Variants in PKMYT1 observed in about 807,000 individuals in gnomAD.
PKMYT1 encodes protein kinase, membrane associated tyrosine/threonine 1, also known as membrane-associated tyrosine- and threonine-specific cdc2-inhibitory kinase.
Under a neutral mutation model 49.7 loss-of-function variants are expected in PKMYT1, and 35 were observed. That is an observed-to-expected ratio of 0.70 (90% CI 0.54 to 0.93). The LOEUF (loss-of-function observed/expected upper bound fraction) is 0.93, where lower values mean the gene tolerates loss of function less well. PKMYT1 is among the 40% of genes least tolerant of loss of function. The pLI, the probability that PKMYT1 is intolerant of heterozygous loss-of-function variation, is 0.00. For synonymous variants in PKMYT1, 331 were observed against 287.6 expected (o/e 1.15, Z -1.53); for missense variants, 677 against 673.1 (o/e 1.01, Z -0.06).
rs1162974551 is a variant in PKMYT1 at position 2,975,459 on chromosome 16, C to T, written c.732G>A (p.Arg244=). 3.1e-6 allele frequency: 5 copies of T among 1,613,200 alleles called. No homozygotes were observed. Among genetic ancestry groups the T allele is most frequent in the Non-Finnish European group, 4.2e-6 (5 of 1,179,988 alleles). ...VKPANIFLGP[R]GRCKLGDFGL... ...CGAAGTCACCCAGCTTGCAGCGGCC[C>T]CGGGGCCCCAGGAAGATGTTGGCAG... Residue 244 remains arginine (R), a synonymous_variant, in exon 4 of 9, where the codon CGG becomes CGA. Coordinates refer to ENST00000262300, the MANE Select transcript of PKMYT1 (RefSeq NM_004203.5).
Position 2,975,746 on chromosome 16 carries a change from T to C in PKMYT1, c.445A>G (p.Lys149Glu), listed in dbSNP as rs1440227977. The C allele has an allele frequency of 6.2e-7, 1 of 1,601,722 alleles. No individual in the cohort carries two copies. The highest frequency in any genetic ancestry group is 1.3e-5 in the African/African-American group (1 of 74,936). ...TCGGCCAACTTGCGGGCCCGGTCCT[T>C]GGGGCCCCGGAATGGTGACATGGAA... ...KRSMSPFRGP[K>E]DRARKLAEVG... is the part of the protein sequence containing the mutation. Residue 149 changes from lysine (K) to glutamate (E), a missense_variant, in exon 4 of 9, where the codon AAG (lysine) becomes GAG (glutamate). Lys to Glu is a moderately conservative substitution (Grantham distance 56, BLOSUM62 1). Transcript: ENST00000262300.
chr16:2,973,821 A>G, intron 7 of PKMYT1, 179 bp downstream of exon 7: 1 of 734,576 alleles, frequency 1.4e-6, no homozygotes, highest in South Asian at 1.9e-5. Flanking sequence ...CGGCCAGTCC[A>G]CATGCCCAGC....
rs558737411 is a variant in PKMYT1 at position 2,975,829 on chromosome 16, A to T, written c.379-17T>A. 1.9e-6 allele frequency: 3 copies of T among 1,573,000 alleles called. No homozygotes were observed. In the South Asian group the frequency reaches 3.5e-5, roughly 18 times the overall value. On this transcript the variant is annotated splice_polypyrimidine_tract_variant and intron_variant, in intron 3 of 8. Transcript: ENST00000262300. The stretch of plus-strand genomic sequence containing the variant: ...GGAGCGCACCTGGAAGGGAGGTGGT[A>T]CCCACGCACACAGTGAGGGTGAGCC...
chr16:2,975,428 G>T lies in PKMYT1; in HGVS notation c.763C>A (p.Leu255Met). The T allele has an allele frequency of 1.2e-6, 2 of 1,613,274 alleles. No individual in the cohort carries two copies. The highest frequency in any genetic ancestry group is 1.7e-6 in the Non-Finnish European group (2 of 1,180,002). The change falls in exon 4 of 9, where the codon CTG (leucine) becomes ATG (methionine). Residue 255 changes from leucine (L) to methionine (M), a missense_variant. Physicochemically the swap from Leu to Met is conservative, Grantham distance 15. Transcript: ENST00000262300. Reference sequence around the variant, plus strand: ...GCTCCTGCTGTACCCAGCTCCACCAGCAGTCCGAAGTCACCCAGCTTGCAG... The same window carrying T: ...GCTCCTGCTGTACCCAGCTCCACCATCAGTCCGAAGTCACCCAGCTTGCAG... The part of the protein sequence containing the change: ...GRCKLGDFGL[L>M]VELGTAGAGE...
intron 7 of PKMYT1, 59 bp from the exon 8 acceptor site, chr16:2,973,274 C>G (rs369877896): frequency 2.8e-4 from 414 of 1,488,210 alleles, no homozygotes; most frequent in Non-Finnish European, 3.5e-4. Context: ...CCGGATGAAA[C>G]CAGCTCTGTC....
At position 2,979,921 on chromosome 16, in the gene PKMYT1, C is replaced by G. The variant is rs1029442137; in HGVS notation, c.-255-9G>C. On this transcript the variant is annotated splice_polypyrimidine_tract_variant and intron_variant, in intron 1 of 8. Transcript: ENST00000262300. ...GTGGGTGTGGGGAAGCCCTGGCGAA[C>G]AGAGCAGTGGACGGGCTGTCACGAG... is the stretch of plus-strand genomic sequence containing the variant. 3.6e-6 allele frequency: 2 copies of G among 558,526 alleles called. No individual in the cohort carries two copies. Among genetic ancestry groups the G allele is most frequent in the Non-Finnish European group, 3.2e-6 (1 of 309,268 alleles). The allele number at this position is 558,526 out of a possible 1,614,324, so 34.6% of individuals were successfully genotyped here.
chr16:2,976,377 C>T (rs537050516), intron 3 of PKMYT1, among the ~76,000 whole-genome samples: 11 of 152,246 alleles, frequency 7.2e-5, no homozygotes, highest in Admixed American at 3.3e-4. Flanking sequence ...TCGCCAAGGA[C>T]GCTGCACAGC....
intron 7 of PKMYT1, 97 bp downstream of exon 7, chr16:2,973,894 GGGCCAGGTT>G: frequency 7.9e-7 from 1 of 1,264,214 alleles, no homozygotes; most frequent in Non-Finnish European, 1.1e-6. Flanking sequence ...GATGTGATGG[GGGCCAGGTT>G]TGTGGGAGTG....
At position 2,974,546 on chromosome 16, in the gene PKMYT1, T is replaced by G; in HGVS notation, c.979+4A>C. 1 of 1,562,946 alleles carries G rather than the reference T, an allele frequency of 6.4e-7. No homozygotes were observed. The highest frequency in any genetic ancestry group is 8.7e-7 in the Non-Finnish European group (1 of 1,152,478). On this transcript the variant is annotated splice_donor_region_variant and intron_variant, in intron 5 of 8. Coordinates refer to ENST00000262300, the MANE Select transcript of PKMYT1 (RefSeq NM_004203.5). ...AGCACCCCCTCCCGCCCTCACCTAC[T>G]CACCGGCAGTGAACTCAGGGGGCAG...
intron 2 of PKMYT1, among the ~76,000 whole-genome samples, chr16:2,978,952 G>A (rs1000961499): frequency 1.5e-4 from 22 of 151,344 alleles, no homozygotes; most frequent in African/African-American, 5.3e-4. Context: ...GATTACAGGC[G>A]TGTGCCAACA....
intron 7 of PKMYT1, 133 bp downstream of exon 7, chr16:2,973,867 T>G: frequency 9.9e-7 from 1 of 1,009,636 alleles, no homozygotes; most frequent in Non-Finnish European, 1.5e-6. Context: ...ACCCCCAGTC[T>G]TGGTCCCCTT....
Position 2,975,575 on chromosome 16 carries a change from G to A in PKMYT1, c.616C>T (p.Pro206Ser). The change falls in exon 4 of 9, where the codon CCT becomes TCT. Residue 206 changes from proline (P) to serine (S), a missense_variant. By Grantham distance (74) the Pro-to-Ser change is moderately conservative (BLOSUM62 -1). Transcript: ENST00000262300. ...AGGTAGCCCCAGACCTGGGCCTCAG[G>A]CAGGCTGGCACCCCAGGCCTCACAG... ...QHCEAWGASLPEAQVWGYLRD... is the reference protein window; with the variant it reads ...QHCEAWGASLSEAQVWGYLRD... 1 of 1,611,634 alleles carries A rather than the reference G, an allele frequency of 6.2e-7. No homozygotes were observed. Among genetic ancestry groups the A allele is most frequent in the Non-Finnish European group, 8.5e-7 (1 of 1,179,762 alleles).
At chr16:2,979,374 CA>C (rs1162101560) in intron 2 of PKMYT1, 1 of 392,942 alleles carries the variant, frequency 2.5e-6, no homozygotes, top group African/African-American at 2.0e-5. Flanking sequence ...TTAAAAAGAG[CA>C]GTCTCCAGTA....
chr16:2,975,540 C>G lies in PKMYT1; in HGVS notation c.651G>C (p.Thr217=). ...TGTGCAGATGGGCCAGGGCAAGCAG[C>G]GTGTCCCGCAGGTAGCCCCAGACCT... ...EAQVWGYLRD[T]LLALAHLHSQ... The change falls in exon 4 of 9, where the codon ACG becomes ACC. Residue 217 remains threonine (T), a synonymous_variant. Coordinates refer to ENST00000262300, the MANE Select transcript of PKMYT1 (RefSeq NM_004203.5). The G allele has an allele frequency of 1.2e-6, 2 of 1,612,126 alleles. No individual in the cohort carries two copies. Among genetic ancestry groups the G allele is most frequent in the Non-Finnish European group, 1.7e-6 (2 of 1,179,854 alleles).
In PKMYT1 at chr16:2,976,717, T is replaced by C. The variant is rs781356015; in HGVS notation, c.325A>G (p.Ser109Gly). 6.0e-6 allele frequency: 9 copies of C among 1,492,510 alleles called. No homozygotes were observed. Among genetic ancestry groups the C allele is most frequent in the Admixed American group, 2.3e-5 (1 of 43,184 alleles). 92.5% of individuals were successfully genotyped at this position (1,492,510 alleles called of 1,614,324 possible). ...CCCAGGCGGCTGAGCCTCTGGAAGC[T>C]CTGCTGGAAGAAGGACTCTGGCCGG... ...PSRPESFFQQ[S>G]FQRLSRLGHG... The change falls in exon 3 of 9, where the codon AGC (serine) becomes GGC (glycine). Residue 109 changes from serine to glycine, a missense_variant. Coordinates refer to ENST00000262300, the MANE Select transcript of PKMYT1 (RefSeq NM_004203.5).
Position 2,976,193 on chromosome 16 carries a change from G to T in PKMYT1, c.379-381C>A, listed in dbSNP as rs187605979. On this transcript the variant is annotated intron_variant, in intron 3 of 8. Transcript: ENST00000262300. ...GTTGTTTGTACTTTTTAACAAAATT[G>T]TCTTCATACAGGACTCATACAAGGG... 2.4e-5 allele frequency: 6 copies of T among 251,198 alleles called. No homozygotes were observed. In the East Asian group the frequency reaches 3.8e-4, roughly 16 times the overall value. The allele number at this position is 251,198 out of a possible 1,614,324, so 15.6% of individuals were successfully genotyped here.
chr16:2,975,838 C>T, intron 3 of PKMYT1, 26 bp from the exon 4 acceptor site: 2 of 1,567,944 alleles, frequency 1.3e-6, no homozygotes, highest in Non-Finnish European at 1.7e-6. Context: ...TACCCACGCA[C>T]ACAGTGAGGG....
intron 2 of PKMYT1, among the ~76,000 whole-genome samples, chr16:2,978,224 T>G (rs769203372): frequency 6.6e-6 from 1 of 152,178 alleles, no homozygotes; most frequent in African/African-American, 2.4e-5. Context: ...TGGCTTGATT[T>G]GAAACAGTGC....
chr16:2,974,753 G>A (rs941464264), intron 4 of PKMYT1, 97 bp from the exon 5 acceptor site: 10 of 756,724 alleles, frequency 1.3e-5, no homozygotes, highest in Admixed American at 4.5e-5. Context: ...GGAGAGGGCT[G>A]CTGTCTTCAT....
Sources: gnomAD v4.1 joint callset for allele counts (sites outside exome capture counted in the v4.1 genomes callset) on GRCh38, gnomAD v4.1.1 for gene constraint, MANE v1.5 for transcripts, NCBI Gene and HGNC (gene_info 2026-07-23, HGNC 2026-07-21) for gene names.